The following SELENOF variants were observed in gnomAD, a reference collection of about 807,000 sequenced individuals.
SELENOF encodes the protein selenoprotein F, also known as 15 kDa selenoprotein.
SELENOF carries 16 observed loss-of-function variants against 20.5 expected under a neutral mutation model. The ratio of observed to expected loss-of-function variants is 0.78; its 90% confidence interval spans 0.53 to 1.19. The LOEUF (loss-of-function observed/expected upper bound fraction) is 1.19. Ranked by LOEUF, SELENOF falls within the 50% of genes most tolerant of loss-of-function variation. The pLI is 0.00. For missense variants in SELENOF, 215 were observed against 194.2 expected (o/e 1.11, Z -0.64); for synonymous variants, 78 against 74.5 (o/e 1.05, Z -0.24).
At chr1:86,896,405 T>C (rs1347702193) in intron 2 of SELENOF, among the ~76,000 whole-genome samples, 1 of 152,158 alleles carries the variant, frequency 6.6e-6, no homozygotes, top group Non-Finnish European at 1.5e-5. Context: ...GCACAGAATT[T>C]GCAAGATTAT....
chr1:86,899,580 C>T (rs1168412556), intron 2 of SELENOF, among the ~76,000 whole-genome samples: 5 of 149,316 alleles, frequency 3.3e-5, no homozygotes, highest in Non-Finnish European at 5.9e-5. Flanking sequence ...GGCGGCTGGC[C>T]GGGCAGGGGG....
intron 2 of SELENOF, among the ~76,000 whole-genome samples, chr1:86,883,720 A>C (rs1659138822): frequency 6.6e-6 from 1 of 152,164 alleles, no homozygotes. Context: ...GGGAAATGAT[A>C]ATGATTGTAC....
intron 2 of SELENOF, among the ~76,000 whole-genome samples, chr1:86,893,765 T>C (rs1659449721): frequency 6.6e-6 from 1 of 152,278 alleles, no homozygotes; most frequent in South Asian, 2.1e-4. Context: ...TTGGAGTGCA[T>C]GCAAATATCA....
At chr1:86,871,417 A>G (rs897489423) in intron 3 of SELENOF, among the ~76,000 whole-genome samples, 2 of 152,234 alleles carry the variant, frequency 1.3e-5, no homozygotes, top group South Asian at 2.1e-4. Flanking sequence ...TTCTTTTGAC[A>G]TAATACTAAA....
At chr1:86,898,580 C>CTTTTTTTTT (rs747362493) in intron 2 of SELENOF, among the ~76,000 whole-genome samples, 1 of 124,996 alleles carries the variant, frequency 8.0e-6, no homozygotes, top group Non-Finnish European at 1.6e-5. Context: ...TTCTCTTCTT[C>CTTTTTTTTT]TTTTTTTTTT....
chr1:86,863,974 A>G (rs1658530250), intron 4 of SELENOF, among the ~76,000 whole-genome samples: 1 of 152,298 alleles, frequency 6.6e-6, no homozygotes, highest in Non-Finnish European at 1.5e-5. Context: ...CTTTACTTTT[A>G]AAGAGAAAAA....
chr1:86,883,168 C>T (rs1315978119), intron 2 of SELENOF, among the ~76,000 whole-genome samples: 2 of 150,126 alleles, frequency 1.3e-5, no homozygotes, highest in African/African-American at 2.4e-5. Flanking sequence ...ACAATATAAA[C>T]GAATCTTATT....
intron 1 of SELENOF, among the ~76,000 whole-genome samples, chr1:86,910,668 C>T (rs1659956281): frequency 7.2e-6 from 1 of 138,998 alleles, no homozygotes; most frequent in Non-Finnish European, 1.5e-5. Context: ...GATGCCACCG[C>T]ACTCCAGCCT....
intron 3 of SELENOF, among the ~76,000 whole-genome samples, chr1:86,880,363 T>C (rs1570383003): frequency 1.3e-5 from 2 of 152,272 alleles, no homozygotes; most frequent in African/African-American, 4.8e-5. Context: ...CTCGAACTCC[T>C]GACCTCGTGA....
chr1:86,889,723 G>GCTGGT (rs1659328716), intron 2 of SELENOF, among the ~76,000 whole-genome samples: 1 of 152,156 alleles, frequency 6.6e-6, no homozygotes, highest in South Asian at 2.1e-4. Flanking sequence ...CTTGTAACTA[G>GCTGGT]CTGGTCTCTC....
chr1:86,899,092 A>C (rs552621816), intron 2 of SELENOF, among the ~76,000 whole-genome samples: 1 of 151,602 alleles, frequency 6.6e-6, no homozygotes, highest in Non-Finnish European at 1.5e-5. Flanking sequence ...AGAGAGCACA[A>C]GGTTGTGGGG....
At chr1:86,863,723 C>A in intron 4 of SELENOF, 118 bp from the exon 5 acceptor site, 4 of 831,460 alleles carry the variant, frequency 4.8e-6, no homozygotes, top group South Asian at 2.4e-5. Context: ...GGCTTTTAGA[C>A]ATGACAATAA....
At chr1:86,874,281 AT>A (rs1385292680) in intron 3 of SELENOF, among the ~76,000 whole-genome samples, 1 of 152,176 alleles carries the variant, frequency 6.6e-6, no homozygotes, top group Admixed American at 6.5e-5. Context: ...CAATTTGGAG[AT>A]TTCTAAAGAA....
At chr1:86,899,836 C>G (rs1392607580) in intron 2 of SELENOF, among the ~76,000 whole-genome samples, 2 of 128,696 alleles carry the variant, frequency 1.6e-5, no homozygotes, top group African/African-American at 3.0e-5. Context: ...TCAGACGGGG[C>G]GGTTGCCAGG....
At chr1:86,877,166 GA>G (rs1422465717) in intron 3 of SELENOF, among the ~76,000 whole-genome samples, 1 of 152,104 alleles carries the variant, frequency 6.6e-6, no homozygotes, top group Admixed American at 6.5e-5. Flanking sequence ...TAGAATTATG[GA>G]ATGATTTACT....
At chr1:86,872,087 A>T (rs534677498) in intron 3 of SELENOF, among the ~76,000 whole-genome samples, 1 of 152,318 alleles carries the variant, frequency 6.6e-6, no homozygotes, top group South Asian at 2.1e-4. Flanking sequence ...TTGTATTTTT[A>T]AATGATTTTA....
chr1:86,895,336 C>T (rs1050516596), intron 2 of SELENOF, among the ~76,000 whole-genome samples: 2 of 152,154 alleles, frequency 1.3e-5, no homozygotes, highest in Non-Finnish European at 2.9e-5. Flanking sequence ...TCTGTTCTTT[C>T]TGGCTTTTAT....
intron 2 of SELENOF, among the ~76,000 whole-genome samples, chr1:86,900,453 C>T (rs1355196608): frequency 2.6e-5 from 4 of 152,288 alleles, no homozygotes; most frequent in African/African-American, 9.6e-5. Flanking sequence ...TCAGGCGTGG[C>T]GGCACGCGCC....
At chr1:86,864,936 G>A (rs936815860) in intron 4 of SELENOF, among the ~76,000 whole-genome samples, 1 of 151,614 alleles carries the variant, frequency 6.6e-6, no homozygotes, top group Non-Finnish European at 1.5e-5. Context: ...GCACCCAGCC[G>A]GTCAGGTTAC....
Sources: gnomAD v4.1 joint callset for allele counts (sites outside exome capture counted in the v4.1 genomes callset) on GRCh38, gnomAD v4.1.1 for gene constraint, MANE v1.5 for transcripts, NCBI Gene and HGNC (gene_info 2026-07-23, HGNC 2026-07-21) for gene names.